The following TBC1D8 variants were observed in gnomAD, a reference collection of about 807,000 sequenced individuals.
The protein encoded by TBC1D8 is TBC1 domain family member 8.
A neutral mutation model predicts 118.8 loss-of-function variants in TBC1D8; 65 were observed. The observed-to-expected ratio is 0.55, with a 90% CI of 0.45 to 0.67. TBC1D8 has a LOEUF of 0.67. Among genes scored for constraint, TBC1D8 ranks in the 30% least tolerant of loss-of-function variants. TBC1D8 has a pLI of 0.00. For synonymous variants in TBC1D8, 566 were observed against 595.8 expected (o/e 0.95, Z 0.73); for missense variants, 1,376 against 1,471.2 (o/e 0.94, Z 1.06).
intron 5 of TBC1D8, among the ~76,000 whole-genome samples, chr2:101,041,006 C>G (rs1390264053): frequency 6.6e-6 from 1 of 152,188 alleles, no homozygotes; most frequent in African/African-American, 2.4e-5. Flanking sequence ...CAGAAAAACA[C>G]TTGCTTAAGA....
At chr2:101,039,537 G>A (rs1381178683) in intron 6 of TBC1D8, among the ~76,000 whole-genome samples, 2 of 152,164 alleles carry the variant, frequency 1.3e-5, no homozygotes, top group Non-Finnish European at 2.9e-5. Flanking sequence ...GAATCTGGAG[G>A]TCCTGACGTG....
chr2:101,066,198 T>G (rs1263159372), intron 2 of TBC1D8, among the ~76,000 whole-genome samples: 3 of 152,000 alleles, frequency 2.0e-5, no homozygotes, highest in Non-Finnish European at 4.4e-5. Flanking sequence ...GCAAGAGAAT[T>G]GCTTGAACCC....
intron 1 of TBC1D8, among the ~76,000 whole-genome samples, chr2:101,123,311 T>A (rs1678209202): frequency 6.6e-6 from 1 of 152,152 alleles, no homozygotes; most frequent in Non-Finnish European, 1.5e-5. Context: ...TCCTTCCCAA[T>A]GTGGATGCCT....
chr2:101,008,750 T>G (rs902286724), intron 19 of TBC1D8, among the ~76,000 whole-genome samples: 5 of 151,686 alleles, frequency 3.3e-5, no homozygotes, highest in African/African-American at 1.2e-4. Flanking sequence ...AGGCAAAGGT[T>G]GTGGTAGTCA....
chr2:101,090,141 C>T lies in TBC1D8; in HGVS notation c.283+68G>A, dbSNP rs546677734. The T allele has an allele frequency of 7.8e-5, 119 of 1,519,750 alleles. 1 individual carries two copies. In the South Asian group the frequency reaches 1.4e-3, roughly 18 times the overall value. The allele number at this position is 1,519,750 out of a possible 1,614,324, so 94.1% of individuals were successfully genotyped here. On this transcript the variant is annotated intron_variant, in intron 2 of 19. Coordinates refer to ENST00000409318, the MANE Select transcript of TBC1D8 (RefSeq NM_001330348.2). ...CCAAAGGGGTTACCTTCAAGCTTCACCAACATGCAGATACTCAGCATGCTT... is the reference window on the plus strand; with the variant it reads ...CCAAAGGGGTTACCTTCAAGCTTCATCAACATGCAGATACTCAGCATGCTT...
intron 2 of TBC1D8, among the ~76,000 whole-genome samples, chr2:101,082,503 C>T (rs1202243781): frequency 6.6e-6 from 1 of 152,220 alleles, no homozygotes; most frequent in Non-Finnish European, 1.5e-5. Context: ...TGGTTCCACA[C>T]ACCACGTCCT....
At chr2:101,029,401 A>C in intron 12 of TBC1D8, 90 bp downstream of exon 12, 1 of 1,451,094 alleles carries the variant, frequency 6.9e-7, no homozygotes, top group African/African-American at 1.4e-5. Flanking sequence ...CAATAAAAAA[A>C]AAAAAAAACT....
intron 1 of TBC1D8, among the ~76,000 whole-genome samples, chr2:101,099,209 C>T (rs967189601): frequency 2.0e-5 from 3 of 152,100 alleles, no homozygotes; most frequent in African/African-American, 7.2e-5. Flanking sequence ...ATACAAACTG[C>T]CATCAGAGAA....
intron 2 of TBC1D8, among the ~76,000 whole-genome samples, chr2:101,069,459 G>T (rs578246803): frequency 1.2e-4 from 18 of 152,146 alleles, no homozygotes; most frequent in African/African-American, 4.1e-4. Flanking sequence ...GGTGGTGCTT[G>T]CCTGTAATCC....
intron 2 of TBC1D8, among the ~76,000 whole-genome samples, chr2:101,084,743 G>A (rs980703628): frequency 2.0e-5 from 3 of 152,036 alleles, no homozygotes; most frequent in East Asian, 3.9e-4. Context: ...CAGAATCTCC[G>A]ACATCAAGCA....
In TBC1D8 at chr2:101,007,466, G is replaced by A. The variant is rs527485596; in HGVS notation, c.*355C>T. Among the ~76,000 whole-genome samples the A allele has an allele frequency of 1.7e-4, 26 of 152,326 alleles. No homozygotes were observed. The East Asian group carries it at 4.8e-3, about 28-fold the overall frequency. On this transcript the variant is annotated 3_prime_UTR_variant, in exon 20 of 20. Transcript: ENST00000409318. ...GACCTCTCCCATTGTCACTCCAAGT[G>A]AAAAATGAAAGCATGGGGCTTTTCT...
rs561657181 is a variant in TBC1D8 at position 101,091,439 on chromosome 2, T to A, written c.128-1075A>T. Among the ~76,000 whole-genome samples, 3 of 150,610 alleles carry A rather than the reference T, an allele frequency of 2.0e-5. No homozygotes were observed. The South Asian group carries it at 6.3e-4, about 32-fold the overall frequency. On this transcript the variant is annotated intron_variant, in intron 1 of 19. Transcript: ENST00000409318. ...AACAACAAAACAAACAAAAAAGGCATCCCAAGCTGGGTGCGGTGGCTCATG... is the reference window on the plus strand; with the variant it reads ...AACAACAAAACAAACAAAAAAGGCAACCCAAGCTGGGTGCGGTGGCTCATG...
chr2:101,057,213 C>T (rs553517376), intron 3 of TBC1D8, among the ~76,000 whole-genome samples: 50 of 152,260 alleles, frequency 3.3e-4, no homozygotes, highest in African/African-American at 1.1e-3. Context: ...GTCCATTTGT[C>T]GAGGTGTGTC....
chr2:101,127,445 T>C (rs905026843), intron 1 of TBC1D8, among the ~76,000 whole-genome samples: 1 of 152,062 alleles, frequency 6.6e-6, no homozygotes, highest in South Asian at 2.1e-4. Flanking sequence ...ACTCACTTCA[T>C]ACACCACTGA....
intron 17 of TBC1D8, chr2:101,019,331 T>C (rs1051870379): frequency 1.8e-5 from 5 of 271,156 alleles, no homozygotes; most frequent in African/African-American, 1.1e-4. Flanking sequence ...TTGAAAACTT[T>C]CATTTCGTAA....
At chr2:101,009,931 C>T (rs1280606565) in intron 19 of TBC1D8, among the ~76,000 whole-genome samples, 4 of 151,564 alleles carry the variant, frequency 2.6e-5, no homozygotes, top group African/African-American at 9.7e-5. Flanking sequence ...ATGCCATTCT[C>T]CTGCCTCAGC....
intron 17 of TBC1D8, chr2:101,019,052 G>A (rs1333777981): frequency 1.2e-6 from 2 of 1,609,496 alleles, no homozygotes; most frequent in Non-Finnish European, 1.7e-6. Context: ...GAGCCCTCCT[G>A]GAAGTGGATG....
intron 17 of TBC1D8, among the ~76,000 whole-genome samples, chr2:101,020,342 T>C (rs960336767): frequency 6.6e-6 from 1 of 152,020 alleles, no homozygotes; most frequent in East Asian, 1.9e-4. Context: ...ATGATGATGA[T>C]GATATGATGA....
chr2:101,074,326 T>C (rs1674663406), intron 2 of TBC1D8, among the ~76,000 whole-genome samples: 1 of 152,126 alleles, frequency 6.6e-6, no homozygotes, highest in South Asian at 2.1e-4. Flanking sequence ...ATTACAACAG[T>C]AACAACTAAG....
Sources: allele counts gnomAD v4.1 joint callset (sites outside exome capture counted in the v4.1 genomes callset), GRCh38; gene constraint gnomAD v4.1.1; transcripts MANE v1.5; gene names NCBI Gene and HGNC (gene_info 2026-07-23, HGNC 2026-07-21).